The following CSRNP3 variants were observed in gnomAD, a reference collection of about 807,000 sequenced individuals.
The protein encoded by CSRNP3 is cysteine and serine rich nuclear protein 3, also known as cysteine/serine-rich nuclear protein 3.
A neutral mutation model predicts 48.0 loss-of-function variants in CSRNP3; 12 were observed. The observed-to-expected ratio is 0.25, with a 90% CI of 0.16 to 0.41. The LOEUF (loss-of-function observed/expected upper bound fraction) is 0.41. Among genes scored for constraint, CSRNP3 ranks in the 10% least tolerant of loss-of-function variants. CSRNP3 has a pLI of 1.00. For missense variants in CSRNP3, 580 were observed against 724.4 expected (o/e 0.80, Z 2.29); for synonymous variants, 263 against 269.7 (o/e 0.98, Z 0.24).
rs1558976372 is a variant in CSRNP3 at position 165,685,598 on chromosome 2, A to T, written c.*5845A>T. The T allele has an allele frequency of 6.6e-6, 1 of 152,090 alleles. No individual in the cohort carries two copies. Among genetic ancestry groups the T allele is most frequent in the Non-Finnish European group, 1.5e-5 (1 of 67,992 alleles). 9.4% of individuals were successfully genotyped at this position (152,090 alleles called of 1,614,324 possible). On this transcript the variant is annotated 3_prime_UTR_variant, in exon 7 of 7. Coordinates refer to ENST00000651982, the MANE Select transcript of CSRNP3 (RefSeq NM_001172173.2). ...TACAGATACTTGTTGTATCCATGGGAAATGAGGTCATTTCAAAGATGTAAG... is the reference window on the plus strand; with the variant it reads ...TACAGATACTTGTTGTATCCATGGGTAATGAGGTCATTTCAAAGATGTAAG...
chr2:165,649,250 T>G (rs1686866199), intron 4 of CSRNP3, among the ~76,000 whole-genome samples: 1 of 152,222 alleles, frequency 6.6e-6, no homozygotes. Flanking sequence ...TTTTTTTCTT[T>G]GTAAACTAGC....
chr2:165,670,008 G>C (rs1687302783), intron 5 of CSRNP3, among the ~76,000 whole-genome samples: 1 of 152,172 alleles, frequency 6.6e-6, no homozygotes, highest in Non-Finnish European at 1.5e-5. Context: ...TTTCTCTCTG[G>C]ATAACTGCTA....
chr2:165,658,627 A>T (rs1362193835), intron 5 of CSRNP3, among the ~76,000 whole-genome samples: 1 of 152,226 alleles, frequency 6.6e-6, no homozygotes, highest in East Asian at 1.9e-4. Context: ...TTTATAAAGA[A>T]AAGGAGGTTT....
At chr2:165,578,470 T>A (rs932397461) in intron 3 of CSRNP3, among the ~76,000 whole-genome samples, 5 of 152,116 alleles carry the variant, frequency 3.3e-5, no homozygotes, top group Non-Finnish European at 7.4e-5. Flanking sequence ...ACCATTTTAG[T>A]AGGTGTTCTC....
At chr2:165,607,197 A>G (rs374840353) in intron 4 of CSRNP3, among the ~76,000 whole-genome samples, 65 of 152,136 alleles carry the variant, frequency 4.3e-4, no homozygotes, top group African/African-American at 1.5e-3. Flanking sequence ...CCTTCATAGG[A>G]CATATCACAA....
chr2:165,597,262 C>T (rs1313573033), intron 4 of CSRNP3, among the ~76,000 whole-genome samples: 4 of 152,142 alleles, frequency 2.6e-5, no homozygotes, highest in African/African-American at 9.7e-5. Context: ...AAATCTTCAA[C>T]TGGCATTTCT....
Position 165,678,921 on chromosome 2 carries a change from T to C in CSRNP3, c.926T>C (p.Val309Ala). The change falls in exon 7 of 7, where the codon GTA (valine) becomes GCA (alanine). Residue 309 changes from valine (V) to alanine (A), a missense_variant. This residue lies in a region of CSRNP3 where 369 missense variants were observed against 380.8 expected (regional missense o/e 0.97). Transcript: ENST00000651982. ...SSSMGPVAHS[V>A]EYSIADSFEI... ...TCTATGGGCCCTGTCGCTCACTCCG[T>C]AGAATATTCAATCGCAGACAGTTTT... 6.2e-7 allele frequency: 1 copy of C among 1,613,946 alleles called. No homozygotes were observed. The highest frequency in any genetic ancestry group is 8.5e-7 in the Non-Finnish European group (1 of 1,179,964).
At chr2:165,655,621 T>A (rs73031630) in intron 4 of CSRNP3, among the ~76,000 whole-genome samples, 5,994 of 152,272 alleles carry the variant, frequency 0.039, 353 homozygotes, top group African/African-American at 0.13. Flanking sequence ...GATGACTTAC[T>A]ACAGCAGAAA....
At chr2:165,511,264 T>A (rs1239073835) in intron 2 of CSRNP3, among the ~76,000 whole-genome samples, 1 of 152,130 alleles carries the variant, frequency 6.6e-6, no homozygotes, top group Non-Finnish European at 1.5e-5. Flanking sequence ...ATGCACTCTT[T>A]AAAAAGGTTT....
rs1479461898 is a variant in CSRNP3 at position 165,686,771 on chromosome 2, TTAGGCAC to T, written c.*7022_*7028del. 6.6e-6 allele frequency: 1 copy of T among 152,122 alleles called. No homozygotes were observed. The allele number at this position is 152,122 out of a possible 1,614,324, so 9.4% of individuals were successfully genotyped here. On this transcript the variant is annotated 3_prime_UTR_variant, in exon 7 of 7. Coordinates refer to ENST00000651982, the MANE Select transcript of CSRNP3 (RefSeq NM_001172173.2). ...GGGTTACCATCTGAACCCTGATTCATTAGGCACTAGTCATGCCAAATGGGGATCTCAG... is the reference window on the plus strand; with the variant it reads ...GGGTTACCATCTGAACCCTGATTCATTAGTCATGCCAAATGGGGATCTCAG...
intron 4 of CSRNP3, among the ~76,000 whole-genome samples, chr2:165,615,819 C>T (rs1204439413): frequency 2.7e-5 from 4 of 150,928 alleles, no homozygotes; most frequent in African/African-American, 4.9e-5. Flanking sequence ...ACTGCAGCAT[C>T]GACCTCCTGG....
rs751966811 is a variant in CSRNP3, at chr2:165,679,301, T to C, written c.1306T>C (p.Tyr436His). ...ASFYANSSTL[Y>H]YQIDSHIPGT... ...TTTTTATGCCAACTCTTCAACTCTG[T>C]ATTACCAAATAGATAGCCACATTCC... is the stretch of plus-strand genomic sequence containing the variant. Residue 436 changes from tyrosine (Y) to histidine (H), a missense_variant, in exon 7 of 7, where the codon TAT becomes CAT. Physicochemically the swap from Tyr to His is moderately conservative, Grantham distance 83. Transcript: ENST00000651982. The C allele has an allele frequency of 5.0e-6, 8 of 1,613,918 alleles. No individual in the cohort carries two copies. The Admixed American group carries it at 1.2e-4, about 24-fold the overall frequency.
At chr2:165,609,094 A>C (rs1269406435) in intron 4 of CSRNP3, among the ~76,000 whole-genome samples, 1 of 129,046 alleles carries the variant, frequency 7.7e-6, no homozygotes, top group East Asian at 2.4e-4. Flanking sequence ...GCGACAGAGC[A>C]AGACTCCGTC....
chr2:165,600,722 T>C (rs1179008165), intron 4 of CSRNP3, among the ~76,000 whole-genome samples: 1 of 152,246 alleles, frequency 6.6e-6, no homozygotes, highest in Non-Finnish European at 1.5e-5. Flanking sequence ...TTTGGCTGCA[T>C]AAATGTCTTC....
At chr2:165,561,112 T>A (rs1558934909) in intron 3 of CSRNP3, among the ~76,000 whole-genome samples, 1 of 152,172 alleles carries the variant, frequency 6.6e-6, no homozygotes, top group Non-Finnish European at 1.5e-5. Flanking sequence ...TGCCTTTGAA[T>A]AAAATTTAAA....
At chr2:165,643,267 G>C (rs576571064) in intron 4 of CSRNP3, among the ~76,000 whole-genome samples, 1 of 152,276 alleles carries the variant, frequency 6.6e-6, no homozygotes, top group South Asian at 2.1e-4. Flanking sequence ...AGAATGTACT[G>C]CCCTGACCTG....
At chr2:165,617,242 T>C (rs1289126934) in intron 4 of CSRNP3, among the ~76,000 whole-genome samples, 2 of 151,264 alleles carry the variant, frequency 1.3e-5, no homozygotes, top group African/African-American at 4.9e-5. Flanking sequence ...TGTTTCTGTA[T>C]CATTACATGA....
In CSRNP3 at chr2:165,484,853, T is replaced by G. The variant is rs28691620; in HGVS notation, c.-282-9906T>G. Among the ~76,000 whole-genome samples, 1,384 of 152,318 alleles carry G rather than the reference T, an allele frequency of 9.1e-3. 20 individuals are homozygous for G. Among genetic ancestry groups the G allele is most frequent in the African/African-American group, 0.031 (1,306 of 41,562 alleles). On this transcript the variant is annotated intron_variant, in intron 1 of 6. Transcript: ENST00000651982. Reference sequence around the variant, plus strand: ...ACCAGAGTGTACTACAGAATTAGATTGGTGAAAACAAACTAGAATAAAACA... The same window carrying G: ...ACCAGAGTGTACTACAGAATTAGATGGGTGAAAACAAACTAGAATAAAACA...
At chr2:165,522,151 G>T (rs970730538) in intron 3 of CSRNP3, among the ~76,000 whole-genome samples, 1 of 152,012 alleles carries the variant, frequency 6.6e-6, no homozygotes, top group Non-Finnish European at 1.5e-5. Flanking sequence ...AATTAGCTGG[G>T]TGCAGTGGTG....
Sources: gnomAD v4.1 joint callset for allele counts (sites outside exome capture counted in the v4.1 genomes callset) on GRCh38, gnomAD v4.1.1 for gene constraint, gnomAD v4.1.1 regional missense constraint, MANE v1.5 for transcripts, NCBI Gene and HGNC (gene_info 2026-07-23, HGNC 2026-07-21) for gene names.